Variants in SEC23A observed in about 807,000 individuals in gnomAD.
The protein encoded by SEC23A is protein transport protein Sec23A.
Under a neutral mutation model 103.7 loss-of-function variants are expected in SEC23A, and 56 were observed. That is an observed-to-expected ratio of 0.54 (90% confidence interval 0.44 to 0.67). The LOEUF (loss-of-function observed/expected upper bound fraction) is 0.67, where lower values mean the gene tolerates loss of function less well. Among genes scored for constraint, SEC23A ranks in the 30% least tolerant of loss-of-function variants. The probability of loss-of-function intolerance (pLI) is 0.00; values close to 1 mark genes in which losing one functional copy is unlikely to be tolerated. For missense variants in SEC23A, 784 were observed against 936.4 expected (o/e 0.84, Z 2.12); for synonymous variants, 281 against 293.0 (o/e 0.96, Z 0.42).
chr14:39,064,886 T>C, intron 11 of SEC23A, 27 bp downstream of exon 11: 1 of 1,521,716 alleles, frequency 6.6e-7, no homozygotes, highest in Non-Finnish European at 9.1e-7. Flanking sequence ...GGTCCTGTAT[T>C]TTCTTTTTAG....
chr14:39,074,836 G>A (rs1308476678), intron 8 of SEC23A, among the ~76,000 whole-genome samples: 2 of 152,202 alleles, frequency 1.3e-5, no homozygotes, highest in African/African-American at 4.8e-5. Flanking sequence ...GGCTGGGCGT[G>A]GTGGCTCACG....
chr14:39,036,361 ATGCTC>A, intron 19 of SEC23A, among the ~76,000 whole-genome samples: 1 of 149,428 alleles, frequency 6.7e-6, no homozygotes, highest in African/African-American at 2.5e-5. Flanking sequence ...TTATGGAAGC[ATGCTC>A]TAGATATTTT....
At chr14:39,066,693 C>T (rs115282278) in intron 10 of SEC23A, among the ~76,000 whole-genome samples, 2,213 of 152,046 alleles carry the variant, frequency 0.015, 61 homozygotes, top group African/African-American at 0.05. Context: ...GGTGACACTG[C>T]GTCTCTACTA....
At chr14:39,097,008 G>A (rs1247628419) in intron 1 of SEC23A, among the ~76,000 whole-genome samples, 8 of 152,168 alleles carry the variant, frequency 5.3e-5, no homozygotes, top group Non-Finnish European at 1.0e-4. Context: ...CTTGATAAGT[G>A]CTGTTCCCCC....
intron 9 of SEC23A, among the ~76,000 whole-genome samples, chr14:39,073,033 C>T (rs1886890659): frequency 6.6e-6 from 1 of 152,246 alleles, no homozygotes; most frequent in South Asian, 2.1e-4. Flanking sequence ...CACACCAAAA[C>T]TTGAACACGA....
chr14:39,076,381 G>A (rs765161921), intron 7 of SEC23A, among the ~76,000 whole-genome samples: 18 of 151,442 alleles, frequency 1.2e-4, no homozygotes, highest in Non-Finnish European at 2.2e-4. Context: ...GAAGAGTGGA[G>A]AGAAAAGTGG....
chr14:39,080,757 A>T (rs986222164), intron 7 of SEC23A, among the ~76,000 whole-genome samples: 1 of 152,320 alleles, frequency 6.6e-6, no homozygotes, highest in East Asian at 1.9e-4. Context: ...ATTTAAAGCT[A>T]TAAGACAACT....
chr14:39,046,038 G>A (rs1885825766), intron 15 of SEC23A, among the ~76,000 whole-genome samples: 2 of 152,154 alleles, frequency 1.3e-5, no homozygotes, highest in Admixed American at 6.5e-5. Flanking sequence ...GTAAGTCTCA[G>A]GAGATCTGAT....
chr14:39,081,029 ACTCTGT>A (rs1274430270), intron 7 of SEC23A, among the ~76,000 whole-genome samples: 5 of 151,946 alleles, frequency 3.3e-5, no homozygotes, highest in African/African-American at 9.7e-5. Flanking sequence ...ACATGGCAAG[ACTCTGT>A]CTCTACAAAT....
rs149117600 is a variant in SEC23A at position 39,086,604 on chromosome 14, G to A, written c.683+325C>T. Reference sequence around the variant, plus strand: ...GCCACTGCACTCCAGAAACCTTAGCGGGAAAAGCTACCTCTAAAGCTAAGA... The same window carrying A: ...GCCACTGCACTCCAGAAACCTTAGCAGGAAAAGCTACCTCTAAAGCTAAGA... On this transcript the variant is annotated intron_variant, in intron 6 of 19. Transcript: ENST00000307712. Among the ~76,000 whole-genome samples, 1,112 of 152,136 alleles carry A rather than the reference G, an allele frequency of 7.3e-3. 16 individuals carry two copies. The highest frequency in any genetic ancestry group is 0.025 in the African/African-American group (1,057 of 41,510).
At chr14:39,095,666 T>G (rs541588822) in intron 2 of SEC23A, among the ~76,000 whole-genome samples, 1 of 152,134 alleles carries the variant, frequency 6.6e-6, no homozygotes, top group African/African-American at 2.4e-5. Context: ...AAGACACTGA[T>G]GGAATCTAAC....
At chr14:39,061,663 C>T in intron 13 of SEC23A, 102 bp downstream of exon 13, 1 of 790,112 alleles carries the variant, frequency 1.3e-6, no homozygotes, top group Non-Finnish European at 2.3e-6. Context: ...CACAAATATT[C>T]ACTTGCTAGT....
In SEC23A at chr14:39,096,123, G is replaced by C. The variant is rs752909396; in HGVS notation, c.-5C>G. ...GAATTCCAAATAGGTTGTCATTGTG[G>C]AGTTTGATTCTTATTTCTGTATCAA... is the stretch of plus-strand genomic sequence containing the variant. On this transcript the variant is annotated 5_prime_UTR_variant, in exon 2 of 20. Transcript: ENST00000307712. The C allele has an allele frequency of 6.3e-7, 1 of 1,594,318 alleles. No homozygotes were observed. The highest frequency in any genetic ancestry group is 1.7e-5 in the Admixed American group (1 of 59,986).
intron 5 of SEC23A, chr14:39,088,042 T>C (rs1198527087): frequency 6.6e-6 from 1 of 152,148 alleles, no homozygotes; most frequent in South Asian, 2.1e-4. Flanking sequence ...ATTTCATATT[T>C]AGTACTAATA....
At chr14:39,062,053 G>C (rs564228709) in intron 12 of SEC23A, among the ~76,000 whole-genome samples, 182 bp from the exon 13 acceptor site, 7 of 152,266 alleles carry the variant, frequency 4.6e-5, no homozygotes, top group African/African-American at 1.7e-4. Flanking sequence ...TTAATTTGGA[G>C]AGGAGGAAAA....
At chr14:39,100,109 A>G (rs1472831964) in intron 1 of SEC23A, among the ~76,000 whole-genome samples, 1 of 152,042 alleles carries the variant, frequency 6.6e-6, no homozygotes, top group African/African-American at 2.4e-5. Flanking sequence ...TCTGGGCACA[A>G]CTCTCTTCTC....
At chr14:39,091,283 G>C in intron 5 of SEC23A, 194 bp downstream of exon 5, 1 of 597,128 alleles carries the variant, frequency 1.7e-6, no homozygotes, top group Admixed American at 3.0e-5. Flanking sequence ...AAAGTGAAGG[G>C]TGTTTAATCT....
At chr14:39,080,530 C>T (rs926700626) in intron 7 of SEC23A, among the ~76,000 whole-genome samples, 5 of 152,096 alleles carry the variant, frequency 3.3e-5, no homozygotes. Flanking sequence ...CTCAGCCTCC[C>T]AAGTAGCTGG....
In SEC23A at chr14:39,093,354, T is replaced by G. The variant is rs988434624; in HGVS notation, c.222-110A>C. The G allele has an allele frequency of 3.8e-5, 33 of 862,086 alleles. No homozygotes were observed. The East Asian group carries it at 9.0e-4, about 23-fold the overall frequency. 53.4% of individuals were successfully genotyped at this position (862,086 alleles called of 1,614,324 possible). ...TTCCTAAAACATGAACATATTCAAA[T>G]TGATAGTCAAAGTAACTTTTAAAAG... On this transcript the variant is annotated intron_variant, in intron 2 of 19. Coordinates refer to ENST00000307712, the MANE Select transcript of SEC23A (RefSeq NM_006364.4).
Sources: allele counts gnomAD v4.1 joint callset (sites outside exome capture counted in the v4.1 genomes callset), GRCh38; gene constraint gnomAD v4.1.1; transcripts MANE v1.5; gene names NCBI Gene and HGNC (gene_info 2026-07-23, HGNC 2026-07-21).